The following DYNC1I1 variants were observed in gnomAD, a reference collection of about 807,000 sequenced individuals.
The protein encoded by DYNC1I1 is cytoplasmic dynein 1 intermediate chain 1.
A neutral mutation model predicts 86.6 loss-of-function variants in DYNC1I1; 43 were observed. That is an observed-to-expected ratio of 0.50 (90% CI 0.39 to 0.64). The LOEUF (loss-of-function observed/expected upper bound fraction) is 0.64. DYNC1I1 is among the 30% of genes least tolerant of loss of function. DYNC1I1 has a pLI of 0.00. For missense variants in DYNC1I1, 604 were observed against 788.8 expected (o/e 0.77, Z 2.81); for synonymous variants, 262 against 283.7 (o/e 0.92, Z 0.77).
intron 1 of DYNC1I1, among the ~76,000 whole-genome samples, chr7:95,795,595 A>G (rs1441578652): frequency 6.6e-6 from 1 of 152,302 alleles, no homozygotes. Context: ...AGAAACATGG[A>G]TGGAGCTGGA....
intron 14 of DYNC1I1, among the ~76,000 whole-genome samples, chr7:96,067,007 A>G (rs1041572925): frequency 2.6e-5 from 4 of 152,186 alleles, no homozygotes; most frequent in African/African-American, 7.2e-5. Flanking sequence ...ATCTCCTAAA[A>G]TGACATCATT....
chr7:96,040,997 C>T (rs1584271339), intron 14 of DYNC1I1, among the ~76,000 whole-genome samples: 1 of 152,160 alleles, frequency 6.6e-6, no homozygotes, highest in Non-Finnish European at 1.5e-5. Flanking sequence ...GCTGGGATTA[C>T]AGGCATGAGC....
chr7:95,794,873 T>G (rs536145062), intron 1 of DYNC1I1, among the ~76,000 whole-genome samples: 1 of 152,324 alleles, frequency 6.6e-6, no homozygotes, highest in South Asian at 2.1e-4. Context: ...TTACCCAATA[T>G]GAATAAAATT....
intron 6 of DYNC1I1, among the ~76,000 whole-genome samples, chr7:95,931,271 G>A (rs1009196487): frequency 1.3e-5 from 2 of 151,496 alleles, no homozygotes; most frequent in African/African-American, 2.4e-5. Context: ...TGTCTCAGCC[G>A]CCTGAGTAGC....
chr7:96,040,463 G>A (rs1789003198), intron 14 of DYNC1I1, among the ~76,000 whole-genome samples: 2 of 152,028 alleles, frequency 1.3e-5, no homozygotes, highest in Non-Finnish European at 2.9e-5. Flanking sequence ...ATAGAAGGAA[G>A]GTAGGAGAGG....
At chr7:95,875,176 G>T (rs1790277109) in intron 6 of DYNC1I1, among the ~76,000 whole-genome samples, 1 of 152,088 alleles carries the variant, frequency 6.6e-6, no homozygotes, top group Admixed American at 6.5e-5. Context: ...ACTCAACTTT[G>T]ATCTATTTTT....
intron 6 of DYNC1I1, among the ~76,000 whole-genome samples, chr7:95,927,762 C>A (rs1791783606): frequency 6.6e-6 from 1 of 152,144 alleles, no homozygotes; most frequent in South Asian, 2.1e-4. Context: ...AGTAAAAAGT[C>A]TTTTAAAATC....
At chr7:95,908,629 G>A (rs910484108) in intron 6 of DYNC1I1, among the ~76,000 whole-genome samples, 3 of 152,106 alleles carry the variant, frequency 2.0e-5, no homozygotes, top group South Asian at 2.1e-4. Context: ...TGGGTGGGGC[G>A]AGGGGTGGGG....
chr7:96,078,426 T>C (rs1465418427), intron 15 of DYNC1I1, among the ~76,000 whole-genome samples: 5 of 152,180 alleles, frequency 3.3e-5, no homozygotes, highest in Non-Finnish European at 7.4e-5. Flanking sequence ...AATGCAAATA[T>C]ATTTTGTCAT....
At chr7:95,872,977 C>T (rs78012120) in intron 6 of DYNC1I1, among the ~76,000 whole-genome samples, 9,140 of 152,144 alleles carry the variant, frequency 0.06, 375 homozygotes, top group Non-Finnish European at 0.087. Context: ...TGCTGTTGAA[C>T]GACAAAGATA....
intron 5 of DYNC1I1, among the ~76,000 whole-genome samples, chr7:95,833,916 A>G (rs1294581190): frequency 2.7e-5 from 4 of 149,370 alleles, no homozygotes; most frequent in Non-Finnish European, 5.9e-5. Flanking sequence ...TTGTCTGCAA[A>G]GAGGGACAAT....
chr7:96,001,340 T>C (rs1399513034), intron 10 of DYNC1I1, among the ~76,000 whole-genome samples: 1 of 152,178 alleles, frequency 6.6e-6, no homozygotes, highest in Admixed American at 6.5e-5. Context: ...AGCCTTGGTC[T>C]CAGGAAGATG....
At chr7:95,829,569 C>T (rs1376543825) in intron 5 of DYNC1I1, among the ~76,000 whole-genome samples, 2 of 151,994 alleles carry the variant, frequency 1.3e-5, no homozygotes, top group Admixed American at 1.3e-4. Context: ...CAGAGACTAC[C>T]CCATGCACTT....
chr7:95,913,775 C>T (rs753508271), intron 6 of DYNC1I1, among the ~76,000 whole-genome samples: 2 of 152,202 alleles, frequency 1.3e-5, no homozygotes, highest in African/African-American at 4.8e-5. Context: ...GATTTTTAGT[C>T]TCTATTCACT....
intron 15 of DYNC1I1, 139 bp from the exon 16 acceptor site, chr7:96,080,224 C>A (rs1316871347): frequency 1.2e-5 from 13 of 1,100,798 alleles, no homozygotes; most frequent in Non-Finnish European, 8.6e-6. Context: ...GCCCTTTTTC[C>A]CCCCGGCACA....
chr7:95,987,875 A>G (rs1793635891), intron 9 of DYNC1I1, among the ~76,000 whole-genome samples: 1 of 152,206 alleles, frequency 6.6e-6, no homozygotes, highest in African/African-American at 2.4e-5. Flanking sequence ...CAATATACCC[A>G]AAAGCCTAAA....
At chr7:96,093,104 C>A (rs1790895965) in intron 16 of DYNC1I1, among the ~76,000 whole-genome samples, 1 of 152,054 alleles carries the variant, frequency 6.6e-6, no homozygotes, top group South Asian at 2.1e-4. Flanking sequence ...TTTTAAAAAA[C>A]AGAAAAATAC....
intron 10 of DYNC1I1, among the ~76,000 whole-genome samples, chr7:96,003,888 T>TC (rs1158789015): frequency 6.6e-6 from 1 of 152,176 alleles, no homozygotes; most frequent in Non-Finnish European, 1.5e-5. Flanking sequence ...GCAAACTAGG[T>TC]CCACACTTTC....
At chr7:95,885,749 C>T (rs770416894) in intron 6 of DYNC1I1, among the ~76,000 whole-genome samples, 10 of 152,152 alleles carry the variant, frequency 6.6e-5, no homozygotes, top group Non-Finnish European at 1.0e-4. Flanking sequence ...AGCCTCCCAA[C>T]GTGCTAGGAT....
Sources: allele counts gnomAD v4.1 joint callset (sites outside exome capture counted in the v4.1 genomes callset), GRCh38; gene constraint gnomAD v4.1.1; transcripts MANE v1.5; gene names NCBI Gene and HGNC (gene_info 2026-07-23, HGNC 2026-07-21).